Variants in FRMD3 observed in about 807,000 individuals in gnomAD.
The protein encoded by FRMD3 is FERM domain containing 3.
In FRMD3, 33 loss-of-function variants were observed where a neutral mutation model predicts 70.2. The ratio of observed to expected loss-of-function variants is 0.47; its 90% CI spans 0.36 to 0.63. The LOEUF (loss-of-function observed/expected upper bound fraction) is 0.63. FRMD3 is among the 20% of genes least tolerant of loss of function. The pLI, the probability that FRMD3 is intolerant of heterozygous loss-of-function variation, is 0.00. For synonymous variants in FRMD3, 279 were observed against 255.9 expected (o/e 1.09, Z -0.86); for missense variants, 632 against 711.4 (o/e 0.89, Z 1.27).
chr9:83,394,996 T>C (rs1216942712), intron 1 of FRMD3, among the ~76,000 whole-genome samples: 1 of 152,194 alleles, frequency 6.6e-6, no homozygotes, highest in East Asian at 1.9e-4. Flanking sequence ...ATGTATCTAT[T>C]AAACACCTAT....
At chr9:83,491,885 C>T (rs528890347) in intron 1 of FRMD3, among the ~76,000 whole-genome samples, 3 of 152,290 alleles carry the variant, frequency 2.0e-5, no homozygotes, top group African/African-American at 4.8e-5. Flanking sequence ...TAGCAAGTAA[C>T]CCTGGGGAGG....
At chr9:83,511,991 T>C (rs948462294) in intron 1 of FRMD3, among the ~76,000 whole-genome samples, 8 of 152,166 alleles carry the variant, frequency 5.3e-5, no homozygotes, top group African/African-American at 1.7e-4. Context: ...AACTTCAAGA[T>C]CTTGGACAGA....
In FRMD3 at chr9:83,274,511, G is replaced by C. The variant is rs141089585; in HGVS notation, c.1195+16092C>G. Among the ~76,000 whole-genome samples, 12 of 152,258 alleles carry C rather than the reference G, an allele frequency of 7.9e-5. No individual in the cohort carries two copies. The East Asian group carries it at 2.3e-3, about 29-fold the overall frequency. On this transcript the variant is annotated intron_variant, in intron 13 of 13. Transcript: ENST00000304195. ...TTGAGAAATCAGTATCAATTTACCT[G>C]GTGCAGCAAGGAAAAGAAAAAAGAA... is the stretch of plus-strand genomic sequence containing the variant.
chr9:83,474,902 T>C (rs1279168155), intron 1 of FRMD3, among the ~76,000 whole-genome samples: 1 of 151,822 alleles, frequency 6.6e-6, no homozygotes, highest in Middle Eastern at 3.2e-3. Context: ...ATAATTGGAG[T>C]TCAGGGCCTA....
intron 13 of FRMD3, among the ~76,000 whole-genome samples, chr9:83,268,445 G>C (rs1404149970): frequency 6.6e-6 from 1 of 152,148 alleles, no homozygotes; most frequent in Non-Finnish European, 1.5e-5. Flanking sequence ...TTAAGACAAA[G>C]ATGTTCATCA....
chr9:83,475,048 G>T (rs1046109268), intron 1 of FRMD3, among the ~76,000 whole-genome samples: 1 of 151,952 alleles, frequency 6.6e-6, no homozygotes, highest in Non-Finnish European at 1.5e-5. Context: ...AACACTCCTC[G>T]GTTGAAGAAT....
chr9:83,545,960 C>T, the FRMD3 span, among the ~76,000 whole-genome samples: 1 of 151,870 alleles, frequency 6.6e-6, no homozygotes, highest in African/African-American at 2.4e-5. Flanking sequence ...CAAGAGAAAA[C>T]TGTCTAATCA....
chr9:83,405,750 G>C (rs1388023470), intron 1 of FRMD3, among the ~76,000 whole-genome samples: 3 of 147,638 alleles, frequency 2.0e-5, no homozygotes, highest in South Asian at 4.2e-4. Flanking sequence ...CAACAAGAGC[G>C]AAACTCAGTC....
intron 13 of FRMD3, among the ~76,000 whole-genome samples, chr9:83,270,795 C>T (rs965666972): frequency 2.6e-5 from 4 of 151,350 alleles, no homozygotes; most frequent in East Asian, 1.9e-4. Flanking sequence ...GTGCCTTGCA[C>T]GGCAATTTAC....
At chr9:83,250,424 A>C (rs1832349444) in intron 13 of FRMD3, among the ~76,000 whole-genome samples, 1 of 152,170 alleles carries the variant, frequency 6.6e-6, no homozygotes. Context: ...CTCTGGCCCC[A>C]GGATCCCTGG....
At chr9:83,506,962 C>T (rs895889796) in intron 1 of FRMD3, among the ~76,000 whole-genome samples, 2 of 152,106 alleles carry the variant, frequency 1.3e-5, no homozygotes, top group African/African-American at 2.4e-5. Flanking sequence ...CCTAGGCCTA[C>T]ACAGGATCAA....
chr9:83,514,032 G>A (rs763956485), intron 1 of FRMD3, among the ~76,000 whole-genome samples: 2 of 152,156 alleles, frequency 1.3e-5, no homozygotes, highest in Non-Finnish European at 2.9e-5. Context: ...ACATAGCTGG[G>A]CAGCCATTTG....
In FRMD3 at chr9:83,479,724, A is replaced by G. The variant is rs1349973960; in HGVS notation, c.147+58361T>C. 3.7e-3 allele frequency among the ~76,000 whole-genome samples: 191 copies of G among 51,838 alleles called. 16 individuals carry two copies. The highest frequency in any genetic ancestry group is 4.7e-3 in the South Asian group (7 of 1,490). 34.0% of individuals were successfully genotyped at this position (51,838 alleles called of 152,430 possible). On this transcript the variant is annotated intron_variant, in intron 1 of 13. Transcript: ENST00000304195. The stretch of plus-strand genomic sequence containing the variant: ...AGAAAGAAAGAAAGAAAGAAAGAAA[A>G]GAAAGGGAAAGAAAGAAAAAGAAAA...
the FRMD3 span, among the ~76,000 whole-genome samples, chr9:83,579,436 C>T: frequency 6.6e-6 from 1 of 151,878 alleles, no homozygotes; most frequent in African/African-American, 2.4e-5. Flanking sequence ...AAAACAGACA[C>T]ATCAACCAAC....
Position 83,290,594 on chromosome 9 carries a change from C to G in FRMD3, c.1195+9G>C, listed in dbSNP as rs1834377616. ...AGCACCAGCATTTGGGATGAAGAGA[C>G]AGACTTACCCTCACCCAGAGGAAGT... On this transcript the variant is annotated intron_variant, in intron 13 of 13. Coordinates refer to ENST00000304195, the MANE Select transcript of FRMD3 (RefSeq NM_174938.6). The G allele has an allele frequency of 1.9e-6, 3 of 1,613,838 alleles. No homozygotes were observed. Among genetic ancestry groups the G allele is most frequent in the African/African-American group, 2.7e-5 (2 of 74,912 alleles).
chr9:83,467,714 C>A (rs1449317129), intron 1 of FRMD3: 1 of 1,533,098 alleles, frequency 6.5e-7, no homozygotes, highest in East Asian at 2.4e-5. Context: ...ACTGCCATCT[C>A]GTCTTCTGTC....
intron 13 of FRMD3, among the ~76,000 whole-genome samples, chr9:83,252,480 C>T (rs113133157): frequency 0.011 from 1,719 of 152,166 alleles, 43 homozygotes; most frequent in African/African-American, 0.039. Context: ...GCAAAATAAC[C>T]AACTAGCATC....
chr9:83,559,169 C>G, the FRMD3 span, among the ~76,000 whole-genome samples: 3 of 152,156 alleles, frequency 2.0e-5, no homozygotes, highest in African/African-American at 7.2e-5. Flanking sequence ...CAAACAGCAT[C>G]AAGTACTACA....
chr9:83,527,970 A>G (rs1829719416), intron 1 of FRMD3, among the ~76,000 whole-genome samples: 1 of 152,348 alleles, frequency 6.6e-6, no homozygotes, highest in East Asian at 1.9e-4. Flanking sequence ...TGTGAATCTC[A>G]GATTCTTATG....
Sources: allele counts gnomAD v4.1 joint callset (sites outside exome capture counted in the v4.1 genomes callset), GRCh38; gene constraint gnomAD v4.1.1; transcripts MANE v1.5; gene names NCBI Gene and HGNC (gene_info 2026-07-23, HGNC 2026-07-21).